FBXL17: variants seen among roughly 807,000 people sequenced by gnomAD.
The protein encoded by FBXL17 is F-box/LRR-repeat protein 17.
In FBXL17, 22 loss-of-function variants were observed where a neutral mutation model predicts 66.2. The observed-to-expected ratio is 0.33, with a 90% CI of 0.24 to 0.47. The LOEUF (loss-of-function observed/expected upper bound fraction) is 0.47. Among genes scored for constraint, FBXL17 ranks in the 20% least tolerant of loss-of-function variants. FBXL17 has a pLI of 1.00. For synonymous variants in FBXL17, 474 were observed against 400.5 expected, an observed-to-expected ratio of 1.18 and a Z score of -2.19; for missense variants, 878 against 948.2, an observed-to-expected ratio of 0.93 and a Z score of 0.97.
chr5:107,963,232 C>T (rs547466431), intron 7 of FBXL17, among the ~76,000 whole-genome samples: 148 of 152,190 alleles, frequency 9.7e-4, no homozygotes, highest in African/African-American at 3.5e-3. Context: ...TACTGGCATG[C>T]CCATCCACCC....
intron 6 of FBXL17, among the ~76,000 whole-genome samples, chr5:108,120,824 C>G (rs1050366149): frequency 6.6e-6 from 1 of 152,084 alleles, no homozygotes; most frequent in Admixed American, 6.5e-5. Context: ...ATACTTGTTT[C>G]ACTGATGTAT....
chr5:108,138,734 A>T (rs557912624), intron 6 of FBXL17, among the ~76,000 whole-genome samples: 67 of 152,340 alleles, frequency 4.4e-4, no homozygotes, highest in African/African-American at 1.6e-3. Context: ...AGACATTGGA[A>T]ATACAAAGAT....
intron 4 of FBXL17, among the ~76,000 whole-genome samples, chr5:108,263,206 T>G (rs7724860): frequency 0.12 from 18,536 of 152,182 alleles, 1,371 homozygotes; most frequent in Admixed American, 0.16. Flanking sequence ...GGTCTGCATC[T>G]CCTTTAAAAT....
chr5:108,302,785 A>ATATAGGTT (rs1758653160), intron 4 of FBXL17, among the ~76,000 whole-genome samples: 2 of 151,970 alleles, frequency 1.3e-5, no homozygotes, highest in East Asian at 3.9e-4. Flanking sequence ...GATACGCCTC[A>ATATAGGTT]TTTTCTAAAG....
chr5:108,079,895 T>C (rs1359401640), intron 6 of FBXL17, among the ~76,000 whole-genome samples: 1 of 152,238 alleles, frequency 6.6e-6, no homozygotes, highest in Non-Finnish European at 1.5e-5. Flanking sequence ...ATTAACTGAC[T>C]TGGCTTCAAA....
In FBXL17 at chr5:108,105,761, TTAA is replaced by T. The variant is rs1749772377; in HGVS notation, c.1745+80353_1745+80355del. Among the ~76,000 whole-genome samples, 3 of 100,952 alleles carry T rather than the reference TTAA, an allele frequency of 3.0e-5. No homozygotes were observed. In the South Asian group the frequency reaches 1.8e-3, roughly 59 times the overall value. 66.2% of individuals were successfully genotyped at this position (100,952 alleles called of 152,430 possible). A position where few individuals can be genotyped will look rare whatever the true frequency, so the allele number is the denominator to read the frequency against. On this transcript the variant is annotated intron_variant, in intron 6 of 8. Coordinates refer to ENST00000542267, the MANE Select transcript of FBXL17 (RefSeq NM_001163315.3). Reference sequence around the variant, plus strand: ...TCTGCTGATACAACTAACTTTAACATTAACTACCCATTACAAAGACAGAAAGGA... The same window carrying T: ...TCTGCTGATACAACTAACTTTAACATCTACCCATTACAAAGACAGAAAGGA...
chr5:107,894,877 A>C (rs1338268200), intron 7 of FBXL17, among the ~76,000 whole-genome samples: 2 of 152,116 alleles, frequency 1.3e-5, no homozygotes, highest in African/African-American at 4.8e-5. Flanking sequence ...TACATCAATT[A>C]AGACAAAATT....
At chr5:108,188,940 T>A (rs1022902609) in intron 5 of FBXL17, among the ~76,000 whole-genome samples, 12 of 152,164 alleles carry the variant, frequency 7.9e-5, no homozygotes, top group African/African-American at 2.9e-4. Context: ...TCACTAGAAT[T>A]CACCTAAGGG....
At chr5:107,934,774 C>T (rs888495951) in intron 7 of FBXL17, among the ~76,000 whole-genome samples, 1 of 152,164 alleles carries the variant, frequency 6.6e-6, no homozygotes, top group African/African-American at 2.4e-5. Context: ...TGGAATCTCT[C>T]ACTATGTATT....
intron 7 of FBXL17, among the ~76,000 whole-genome samples, chr5:107,981,244 A>G (rs1332169502): frequency 6.6e-6 from 1 of 152,208 alleles, no homozygotes; most frequent in Non-Finnish European, 1.5e-5. Context: ...TACATGGAGA[A>G]CCAGGGGTGA....
At chr5:108,239,321 A>G (rs1755748434) in intron 4 of FBXL17, among the ~76,000 whole-genome samples, 1 of 152,166 alleles carries the variant, frequency 6.6e-6, no homozygotes, top group African/African-American at 2.4e-5. Context: ...GAAAAGACAT[A>G]CTTGAATTGC....
rs181206097 is a variant in FBXL17 at position 107,907,556 on chromosome 5, G to C, written c.1823-26377C>G. 9.2e-3 allele frequency among the ~76,000 whole-genome samples: 1,397 copies of C among 152,100 alleles called. 19 individuals carry two copies. The highest frequency in any genetic ancestry group is 0.031 in the African/African-American group (1,306 of 41,478). On this transcript the variant is annotated intron_variant, in intron 7 of 8. Coordinates refer to ENST00000542267, the MANE Select transcript of FBXL17 (RefSeq NM_001163315.3). ...TTGCAACCTACTCATCTGACAAAGGGCTAATATCCAGAATCTACAATGAAC... is the reference window on the plus strand; with the variant it reads ...TTGCAACCTACTCATCTGACAAAGGCCTAATATCCAGAATCTACAATGAAC...
chr5:108,219,300 C>A (rs1186302152), intron 5 of FBXL17, among the ~76,000 whole-genome samples: 2 of 840 alleles, frequency 2.4e-3, no homozygotes, highest in East Asian at 0.1. Context: ...CAGGGGTATT[C>A]AAGTTATTAT....
chr5:108,224,528 TAC>T (rs138044828), intron 4 of FBXL17, among the ~76,000 whole-genome samples: 5,320 of 147,030 alleles, frequency 0.036, 270 homozygotes, highest in African/African-American at 0.11. Context: ...TGTATATGTA[TAC>T]ACACACACAC....
chr5:107,987,689 A>T (rs1005528567), intron 7 of FBXL17, among the ~76,000 whole-genome samples: 1 of 152,206 alleles, frequency 6.6e-6, no homozygotes, highest in Non-Finnish European at 1.5e-5. Context: ...TAATAAAGAT[A>T]TTCAAAACCA....
At chr5:107,975,479 A>G (rs1025996999) in intron 7 of FBXL17, among the ~76,000 whole-genome samples, 5 of 152,192 alleles carry the variant, frequency 3.3e-5, no homozygotes, top group African/African-American at 1.2e-4. Context: ...TTCCATTAAA[A>G]GCTATCTGAT....
chr5:108,371,376 TGAGA>T (rs1318523423), intron 1 of FBXL17, among the ~76,000 whole-genome samples: 4 of 152,212 alleles, frequency 2.6e-5, no homozygotes, highest in African/African-American at 9.6e-5. Flanking sequence ...GCTGTATCTC[TGAGA>T]GAAACTCCAT....
intron 6 of FBXL17, among the ~76,000 whole-genome samples, chr5:108,087,860 A>G (rs1040750575): frequency 1.3e-5 from 2 of 152,218 alleles, no homozygotes; most frequent in Non-Finnish European, 2.9e-5. Context: ...TTGAAGTAAT[A>G]CAATTAAGTT....
chr5:107,939,599 T>G (rs1442496425), intron 7 of FBXL17, among the ~76,000 whole-genome samples: 1 of 152,166 alleles, frequency 6.6e-6, no homozygotes, highest in Non-Finnish European at 1.5e-5. Context: ...GTCTCTACCC[T>G]CAGTAGATTC....
Sources: gnomAD v4.1 joint callset for allele counts (sites outside exome capture counted in the v4.1 genomes callset) on GRCh38, gnomAD v4.1.1 for gene constraint, MANE v1.5 for transcripts, NCBI Gene and HGNC (gene_info 2026-07-23, HGNC 2026-07-21) for gene names.